The following PCID2 variants were observed in gnomAD, a reference collection of about 807,000 sequenced individuals.
The protein encoded by PCID2 is PCI domain-containing protein 2.
In PCID2, 41 loss-of-function variants were observed where a neutral mutation model predicts 61.3. That is an observed-to-expected ratio of 0.67 (90% confidence interval 0.52 to 0.87). The LOEUF is 0.87. PCID2 is among the 40% of genes least tolerant of loss of function. The pLI is 0.00. For missense variants in PCID2, 392 were observed against 493.4 expected, an observed-to-expected ratio of 0.79 and a Z score of 1.95; for synonymous variants, 187 against 177.8, an observed-to-expected ratio of 1.05 and a Z score of -0.41.
intron 1 of PCID2, among the ~76,000 whole-genome samples, chr13:113,201,667 C>T (rs2039438339): frequency 6.6e-6 from 1 of 151,756 alleles, no homozygotes; most frequent in Non-Finnish European, 1.5e-5. Flanking sequence ...AAAAAATTAG[C>T]CGGGTGTGGT....
intron 8 of PCID2, among the ~76,000 whole-genome samples, chr13:113,185,159 C>T (rs2037994381): frequency 6.6e-6 from 1 of 152,218 alleles, no homozygotes; most frequent in African/African-American, 2.4e-5. Flanking sequence ...GAAGACAAAA[C>T]GCTCTGGAGT....
At chr13:113,182,691 G>C (rs1389133242) in intron 9 of PCID2, among the ~76,000 whole-genome samples, 1 of 151,980 alleles carries the variant, frequency 6.6e-6, no homozygotes, top group African/African-American at 2.4e-5. Flanking sequence ...TAGTAGAGAC[G>C]GGGTTTCACC....
intron 2 of PCID2, 152 bp downstream of exon 2, chr13:113,200,275 T>C (rs1010068154): frequency 9.7e-5 from 58 of 596,024 alleles, no homozygotes; most frequent in African/African-American, 5.8e-4. Context: ...CACAAATGGA[T>C]TGAAATTACA....
At chr13:113,184,853 GC>G (rs1383291991) in intron 8 of PCID2, among the ~76,000 whole-genome samples, 1 of 151,760 alleles carries the variant, frequency 6.6e-6, no homozygotes. Context: ...AGGAGCCTGT[GC>G]TAGTGGAGGC....
At chr13:113,207,419 G>C (rs999845207) in intron 1 of PCID2, among the ~76,000 whole-genome samples, 1 of 152,132 alleles carries the variant, frequency 6.6e-6, no homozygotes, top group African/African-American at 2.4e-5. Context: ...CTATATCCTT[G>C]TTTAACTTTA....
At chr13:113,187,622 GCACTTACTGGT>G (rs1335229662) in intron 7 of PCID2, 2 of 152,118 alleles carry the variant, frequency 1.3e-5, no homozygotes, top group African/African-American at 4.8e-5. Context: ...ATCTTTTCAT[GCACTTACTGGT>G]CACTTGCGTA....
In PCID2 at chr13:113,190,806, G is replaced by A. The variant is rs2038547566; in HGVS notation, c.467+66C>T. 1.4e-5 allele frequency: 12 copies of A among 843,400 alleles called. No homozygotes were observed. In the South Asian group the frequency reaches 2.0e-4, roughly 14 times the overall value. The allele number at this position is 843,400 out of a possible 1,614,324, so 52.2% of individuals were successfully genotyped here. A position where few individuals can be genotyped will look rare whatever the true frequency, so the allele number is the denominator to read the frequency against. ...GTCAACAATAAACACAGGCCAGAAAGGGTGAACGCTGCAATGAAAACACCA... is the reference window on the plus strand; with the variant it reads ...GTCAACAATAAACACAGGCCAGAAAAGGTGAACGCTGCAATGAAAACACCA... On this transcript the variant is annotated intron_variant, in intron 7 of 13. Transcript: ENST00000337344.
chr13:113,183,385 A>G (rs1037540210), intron 9 of PCID2, among the ~76,000 whole-genome samples: 19 of 152,256 alleles, frequency 1.2e-4, no homozygotes, highest in African/African-American at 3.9e-4. Flanking sequence ...ATAAAATCCA[A>G]TAGGATAGAA....
At chr13:113,197,425 G>C (rs192217711) in intron 3 of PCID2, among the ~76,000 whole-genome samples, 182 bp from the exon 4 acceptor site, 1 of 152,224 alleles carries the variant, frequency 6.6e-6, no homozygotes, top group Non-Finnish European at 1.5e-5. Context: ...AGTAAGCTTG[G>C]AGACTACTCT....
At chr13:113,201,048 T>A (rs111249407) in intron 1 of PCID2, among the ~76,000 whole-genome samples, 2,812 of 152,318 alleles carry the variant, frequency 0.018, 80 homozygotes, top group African/African-American at 0.063. Context: ...ATCACACTAA[T>A]ATATGTTTGA....
intron 2 of PCID2, among the ~76,000 whole-genome samples, chr13:113,198,642 T>C (rs560878050): frequency 6.6e-6 from 1 of 151,828 alleles, no homozygotes; most frequent in Non-Finnish European, 1.5e-5. Flanking sequence ...GTGGGGGAGG[T>C]TGTAGTAAGC....
intron 8 of PCID2, among the ~76,000 whole-genome samples, chr13:113,184,754 C>T (rs921789671): frequency 6.6e-6 from 1 of 151,930 alleles, no homozygotes; most frequent in Non-Finnish European, 1.5e-5. Context: ...CGCAGCCCTG[C>T]AGTGGGAAGC....
chr13:113,204,007 G>T (rs4907595), intron 1 of PCID2, among the ~76,000 whole-genome samples: 3 of 152,240 alleles, frequency 2.0e-5, no homozygotes, highest in Admixed American at 6.5e-5. Context: ...TCAACTAAGG[G>T]GCTTCTGGCT....
At position 113,202,983 on chromosome 13, in the gene PCID2, C is replaced by T. The variant is rs114923649; in HGVS notation, c.37-2467G>A. 7.2e-3 allele frequency among the ~76,000 whole-genome samples: 1,103 copies of T among 152,170 alleles called. 18 individuals carry two copies. Among genetic ancestry groups the T allele is most frequent in the African/African-American group, 0.025 (1,033 of 41,508 alleles). ...CCTTATTCTAAGGACAAAAAGACTGCCAAAAACAAAACAAAAAAAATCCTG... is the reference window on the plus strand; with the variant it reads ...CCTTATTCTAAGGACAAAAAGACTGTCAAAAACAAAACAAAAAAAATCCTG... On this transcript the variant is annotated intron_variant, in intron 1 of 13. Transcript: ENST00000337344.
Position 113,179,885 on chromosome 13 carries a change from C to T in PCID2, c.986+32G>A. 1.3e-6 allele frequency: 2 copies of T among 1,599,638 alleles called. No individual in the cohort carries two copies. Among genetic ancestry groups the T allele is most frequent in the Non-Finnish European group, 1.7e-6 (2 of 1,171,662 alleles). On this transcript the variant is annotated intron_variant, in intron 12 of 13. Coordinates refer to ENST00000337344, the MANE Select transcript of PCID2 (RefSeq NM_001127202.4). The surrounding 1 kb of genome is among the most constrained non-coding windows in gnomAD (Gnocchi z 4.3). ...TCTGACTGCTCTGCCGAGAGCCACA[C>T]TGGGAGCCCAATGTGCCGGGGAAAT...
chr13:113,178,347 G>T, intron 13 of PCID2, 60 bp from the exon 14 acceptor site: 1 of 1,248,656 alleles, frequency 8.0e-7, no homozygotes, highest in Non-Finnish European at 1.2e-6. Context: ...TGTCAAAGAT[G>T]CTGGGTGATC....
At chr13:113,173,578 T>A (rs555099860), downstream of PCID2, among the ~76,000 whole-genome samples, 1 of 152,322 alleles carries the variant, frequency 6.6e-6, no homozygotes, top group South Asian at 2.1e-4. Context: ...TTCAGCACAC[T>A]CTCTTTCATT....
Position 113,208,356 on chromosome 13 carries a change from G to A in PCID2, c.36+243C>T, listed in dbSNP as rs1217748739. ...GGACCGCCGCGTCTACTTACACCGC[G>A]ACGACTCCGCGATCCACGGACACCG... On this transcript the variant is annotated intron_variant, in intron 1 of 13. Transcript: ENST00000337344. 9.8e-6 allele frequency: 14 copies of A among 1,432,520 alleles called. No individual in the cohort carries two copies. The South Asian group carries it at 1.2e-4, about 12-fold the overall frequency. The allele number at this position is 1,432,520 out of a possible 1,614,324, so 88.7% of individuals were successfully genotyped here. A position where few individuals can be genotyped will look rare whatever the true frequency, so the allele number is the denominator to read the frequency against.
chr13:113,165,513 A>C, the PCID2 span, among the ~76,000 whole-genome samples: 1 of 152,160 alleles, frequency 6.6e-6, no homozygotes, highest in Admixed American at 6.5e-5. Context: ...CTGGTTTAGA[A>C]GTTAACCATT....
Sources: allele counts gnomAD v4.1 joint callset (sites outside exome capture counted in the v4.1 genomes callset), GRCh38; gene constraint gnomAD v4.1.1; non-coding constraint Gnocchi (gnomAD v3.1); transcripts MANE v1.5; gene names NCBI Gene and HGNC (gene_info 2026-07-23, HGNC 2026-07-21).